KAZN: variants seen among roughly 807,000 people sequenced by gnomAD.
KAZN encodes the protein kazrin, periplakin interacting protein.
A neutral mutation model predicts 87.4 loss-of-function variants in KAZN; 40 were observed. The observed-to-expected ratio is 0.46, with a 90% CI of 0.36 to 0.60. The LOEUF (loss-of-function observed/expected upper bound fraction) is 0.60, where lower values mean the gene tolerates loss of function less well. KAZN is among the 20% of genes least tolerant of loss of function. The pLI, the probability that KAZN is intolerant of heterozygous loss-of-function variation, is 0.00. For missense variants in KAZN, 898 were observed against 1,073.9 expected, an observed-to-expected ratio of 0.84 and a Z score of 2.29; for synonymous variants, 466 against 458.3, an observed-to-expected ratio of 1.02 and a Z score of -0.22.
In KAZN at chr1:14,226,692, A is replaced by T. The variant is rs144690862; in HGVS notation, c.249+46100A>T. ...GTGGACTGGATAAAGAGAACATGGTACATATACACCATGCAATACTACATA... is the reference window on the plus strand; with the variant it reads ...GTGGACTGGATAAAGAGAACATGGTTCATATACACCATGCAATACTACATA... On this transcript the variant is annotated intron_variant, in intron 2 of 16. Coordinates refer to the KAZN transcript ENST00000636203. 6.1e-3 allele frequency among the ~76,000 whole-genome samples: 933 copies of T among 152,340 alleles called. 7 individuals are homozygous for T. The highest frequency in any genetic ancestry group is 0.021 in the African/African-American group (885 of 41,582).
At chr1:14,266,950 A>T (rs1232925337) in intron 2 of KAZN, among the ~76,000 whole-genome samples, 1 of 151,782 alleles carries the variant, frequency 6.6e-6, no homozygotes, top group Non-Finnish European at 1.5e-5. Flanking sequence ...GGTTTGCTAC[A>T]TATGTATACT....
chr1:14,722,013 G>C (rs1463275261), intron 1 of KAZN, among the ~76,000 whole-genome samples: 1 of 152,030 alleles, frequency 6.6e-6, no homozygotes, highest in East Asian at 1.9e-4. Context: ...AAATTAGCCA[G>C]GCATGGTGGT....
chr1:15,067,144 G>C, intron 8 of KAZN: 1 of 985,696 alleles, frequency 1.0e-6, no homozygotes, highest in Non-Finnish European at 1.2e-6. Context: ...ATGCAGGTGG[G>C]CCAGGCAGGT....
At chr1:14,004,226 T>C (rs570295344) in intron 1 of KAZN, among the ~76,000 whole-genome samples, 2 of 152,212 alleles carry the variant, frequency 1.3e-5, no homozygotes, top group Admixed American at 1.3e-4. Flanking sequence ...TGATATCTAA[T>C]GTTGAGAAAA....
intron 1 of KAZN, among the ~76,000 whole-genome samples, chr1:14,932,993 C>T (rs1213109285): frequency 6.6e-6 from 1 of 152,182 alleles, no homozygotes; most frequent in Non-Finnish European, 1.5e-5. Context: ...TCTCCCCAGC[C>T]CCTGCCAACC....
At chr1:14,240,922 G>T (rs912696988) in intron 2 of KAZN, among the ~76,000 whole-genome samples, 1 of 152,200 alleles carries the variant, frequency 6.6e-6, no homozygotes, top group Non-Finnish European at 1.5e-5. Flanking sequence ...CCACCCCACC[G>T]AACTGGGGTT....
At position 14,093,269 on chromosome 1, in the gene KAZN, A is replaced by G. The variant is rs1380321905; in HGVS notation, c.92-87166A>G. Among the ~76,000 whole-genome samples the G allele has an allele frequency of 6.6e-5, 10 of 152,286 alleles. No homozygotes were observed. The South Asian group carries it at 1.9e-3, about 28-fold the overall frequency. ...GGCACACCTGCTTTAGAAAAGCTTC[A>G]TAGCTCCTTAGACCCATGGCTGGCT... On this transcript the variant is annotated intron_variant, in intron 1 of 16. Transcript: ENST00000636203.
chr1:14,602,742 G>T (rs1677078594), intron 1 of KAZN, among the ~76,000 whole-genome samples: 1 of 152,192 alleles, frequency 6.6e-6, no homozygotes, highest in Admixed American at 6.5e-5. Flanking sequence ...AAGTGCTATG[G>T]TACCCAATTC....
chr1:14,045,615 T>C (rs1218591040), intron 1 of KAZN, among the ~76,000 whole-genome samples: 1 of 152,182 alleles, frequency 6.6e-6, no homozygotes, highest in Non-Finnish European at 1.5e-5. Context: ...TTTGATGGAT[T>C]CTCAGGGAGC....
At chr1:14,832,145 G>A (rs1171136914) in intron 1 of KAZN, among the ~76,000 whole-genome samples, 2 of 151,056 alleles carry the variant, frequency 1.3e-5, no homozygotes, top group Non-Finnish European at 2.9e-5. Context: ...GCAGTGAGCA[G>A]AGATCGCACC....
At chr1:14,416,827 T>C (rs1427960566) in intron 2 of KAZN, among the ~76,000 whole-genome samples, 4 of 151,958 alleles carry the variant, frequency 2.6e-5, no homozygotes, top group Non-Finnish European at 5.9e-5. Flanking sequence ...TGGTGGCCCA[T>C]GCTTGTAATT....
intron 2 of KAZN, among the ~76,000 whole-genome samples, chr1:14,551,581 T>A (rs1375929718): frequency 3.3e-5 from 5 of 152,236 alleles, no homozygotes; most frequent in Non-Finnish European, 2.9e-5. Flanking sequence ...GTACTCATGT[T>A]ATCTGCTCCA....
At chr1:15,086,542 A>G (rs1474696137) in intron 8 of KAZN, among the ~76,000 whole-genome samples, 4 of 152,232 alleles carry the variant, frequency 2.6e-5, no homozygotes, top group Non-Finnish European at 4.4e-5. Context: ...CTTCAGGAAT[A>G]AGAAAAGTTA....
chr1:14,326,459 G>A (rs1656429637), intron 2 of KAZN, among the ~76,000 whole-genome samples: 1 of 152,174 alleles, frequency 6.6e-6, no homozygotes, highest in African/African-American at 2.4e-5. Context: ...GCACTGGGTT[G>A]CCCCCATCCT....
chr1:14,840,682 A>T (rs1647857726), intron 1 of KAZN, among the ~76,000 whole-genome samples: 1 of 152,240 alleles, frequency 6.6e-6, no homozygotes, highest in African/African-American at 2.4e-5. Flanking sequence ...TTTAGCCTGG[A>T]TGCTGCCTCT....
At chr1:14,078,902 C>T (rs993809196) in intron 1 of KAZN, among the ~76,000 whole-genome samples, 5 of 152,096 alleles carry the variant, frequency 3.3e-5, no homozygotes, top group African/African-American at 1.2e-4. Context: ...ACAGGCTGGT[C>T]CTGAACTCCT....
chr1:15,068,203 C>G (rs1639347772), intron 8 of KAZN: 1 of 571,772 alleles, frequency 1.7e-6, no homozygotes, highest in Non-Finnish European at 2.2e-6. Context: ...GTGGGAGGCT[C>G]TGCCCCTCTG....
chr1:14,311,767 T>C (rs1271564118), intron 2 of KAZN, among the ~76,000 whole-genome samples: 2 of 151,778 alleles, frequency 1.3e-5, no homozygotes, highest in African/African-American at 4.8e-5. Flanking sequence ...AATGGATGGG[T>C]GGATGGATGA....
intron 1 of KAZN, among the ~76,000 whole-genome samples, chr1:14,070,862 T>C (rs1312484939): frequency 6.6e-6 from 1 of 152,154 alleles, no homozygotes; most frequent in Non-Finnish European, 1.5e-5. Flanking sequence ...CCATGCCTTA[T>C]CTGAATGTTA....
Sources: allele counts gnomAD v4.1 joint callset (sites outside exome capture counted in the v4.1 genomes callset), GRCh38; gene constraint gnomAD v4.1.1; transcripts MANE v1.5; gene names NCBI Gene and HGNC (gene_info 2026-07-23, HGNC 2026-07-21).